Variants in FAM120C observed in about 807,000 individuals in gnomAD.
FAM120C encodes constitutive coactivator of PPAR-gamma-like protein 2.
FAM120C carries 14 observed loss-of-function variants against 71.2 expected under a neutral mutation model. That is an observed-to-expected ratio of 0.20 (90% CI 0.13 to 0.31). The LOEUF (loss-of-function observed/expected upper bound fraction) is 0.31. Ranked by LOEUF, FAM120C falls within the 10% of genes least tolerant of loss-of-function variation. The pLI, the probability that FAM120C is intolerant of heterozygous loss-of-function variation, is 1.00. For synonymous variants in FAM120C, 354 were observed against 353.2 expected (o/e 1.00, Z -0.03); for missense variants, 500 against 879.0 (o/e 0.57, Z 5.45).
intron 4 of FAM120C, among the ~76,000 whole-genome samples, chrX:54,138,725 T>G (rs2067107944): frequency 1.8e-5 from 2 of 110,273 alleles, no homozygotes; most frequent in African/African-American, 6.6e-5. Context: ...CTTGGGAGGC[T>G]GAGGCAAAAG....
intron 1 of FAM120C, among the ~76,000 whole-genome samples, chrX:54,164,462 T>A (rs1434675783): frequency 8.9e-6 from 1 of 112,029 alleles, no homozygotes; most frequent in East Asian, 2.8e-4. Flanking sequence ...TTTCTGTCTC[T>A]ATGAATTTGA....
At chrX:54,100,522 A>G (rs186438356) in intron 10 of FAM120C, among the ~76,000 whole-genome samples, 120 of 109,739 alleles carry the variant, frequency 1.1e-3, no homozygotes, top group African/African-American at 3.6e-3. Flanking sequence ...CAAACAAAAA[A>G]ATTAGCTGGC....
chrX:54,181,586 G>A (rs1277738559), intron 1 of FAM120C, among the ~76,000 whole-genome samples: 2 of 110,962 alleles, frequency 1.8e-5, no homozygotes, highest in Admixed American at 9.6e-5. Context: ...ATTCCTTTTT[G>A]CTTCTGCTCA....
chrX:54,093,176 T>C (rs1158489944), intron 10 of FAM120C, among the ~76,000 whole-genome samples: 2 of 111,938 alleles, frequency 1.8e-5, no homozygotes, highest in East Asian at 2.8e-4. Flanking sequence ...TGCATTAATC[T>C]GGTCATGCCA....
chrX:54,080,349 A>C, intron 14 of FAM120C, 60 bp from the exon 15 acceptor site: 1 of 941,167 alleles, frequency 1.1e-6, no homozygotes, highest in Non-Finnish European at 1.5e-6. Flanking sequence ...ACCCCTTTTC[A>C]CTTGGTTAAC....
intron 10 of FAM120C, among the ~76,000 whole-genome samples, chrX:54,093,931 G>A (rs1262552416): frequency 2.7e-5 from 3 of 110,756 alleles, no homozygotes; most frequent in Non-Finnish European, 5.7e-5. Flanking sequence ...AATATATGCA[G>A]CAAACTATAA....
intron 9 of FAM120C, among the ~76,000 whole-genome samples, chrX:54,126,829 T>C (rs1557128032): frequency 8.8e-6 from 1 of 113,460 alleles, no homozygotes; most frequent in African/African-American, 3.2e-5. Context: ...TTTTATATAT[T>C]GCTGAATTCC....
At chrX:54,152,430 G>C (rs1192391160) in intron 3 of FAM120C, among the ~76,000 whole-genome samples, 1 of 111,499 alleles carries the variant, frequency 9.0e-6, no homozygotes, top group African/African-American at 3.3e-5. Context: ...GCTAATTTTT[G>C]TATTTTTAGT....
chrX:54,137,614 T>C (rs2067101332), intron 4 of FAM120C, among the ~76,000 whole-genome samples: 1 of 111,907 alleles, frequency 8.9e-6, no homozygotes, highest in Non-Finnish European at 1.9e-5. Context: ...GCAAAGAGTA[T>C]ATATTGTCTA....
intron 10 of FAM120C, among the ~76,000 whole-genome samples, chrX:54,096,689 A>G (rs1009622063): frequency 8.9e-6 from 1 of 111,943 alleles, no homozygotes; most frequent in Admixed American, 9.6e-5. Context: ...TATAATAAAA[A>G]TTCATATAAT....
At position 54,163,252 on chromosome X, in the gene FAM120C, C is replaced by T. The variant is rs184912507; in HGVS notation, c.700-3636G>A. ...TCACAGCAGGCTTACTCATAATAGC[C>T]CAAAAGTGGAAATAACCCAAATGTC... On this transcript the variant is annotated intron_variant, in intron 1 of 15. Coordinates refer to ENST00000375180, the MANE Select transcript of FAM120C (RefSeq NM_017848.6). Among the ~76,000 whole-genome samples, 95 of 111,634 alleles carry T rather than the reference C, an allele frequency of 8.5e-4. 1 individual carries two copies. The highest frequency in any genetic ancestry group is 1.3e-3 in the Non-Finnish European group (69 of 53,075).
At chrX:54,139,329 T>TTTTTATTTATTTA (rs1557131207) in intron 4 of FAM120C, among the ~76,000 whole-genome samples, 1 of 88,975 alleles carries the variant, frequency 1.1e-5, no homozygotes, top group Non-Finnish European at 2.2e-5. Context: ...TTTTTTTTGC[T>TTTTTATTTATTTA]TTTATTTATT....
intron 10 of FAM120C, among the ~76,000 whole-genome samples, chrX:54,098,966 C>A (rs2066868701): frequency 9.1e-6 from 1 of 109,475 alleles, no homozygotes; most frequent in Non-Finnish European, 1.9e-5. Flanking sequence ...AATCTTTCAC[C>A]CATTTAAAAA....
At chrX:54,171,218 G>A (rs1290284541) in intron 1 of FAM120C, among the ~76,000 whole-genome samples, 1 of 111,536 alleles carries the variant, frequency 9.0e-6, no homozygotes, top group Non-Finnish European at 1.9e-5. Flanking sequence ...AACCTAGCAA[G>A]ACCCTGTCTC....
In FAM120C at chrX:54,085,778, G is replaced by T; in HGVS notation, c.2776C>A (p.Leu926Ile). The T allele has an allele frequency of 8.3e-7, 1 of 1,211,575 alleles. No homozygotes were observed. The highest frequency in any genetic ancestry group is 1.1e-6 in the Non-Finnish European group (1 of 895,481). ...ATGGAGCCCATAGCTCGGGAATAAAGTGAAACAGGGTAGAGAGAGGGCACC... is the reference window on the plus strand; with the variant it reads ...ATGGAGCCCATAGCTCGGGAATAAATTGAAACAGGGTAGAGAGAGGGCACC... Reference protein sequence around the residue: ...PMVPSLYPVSLYSRAMGSMPL... With the variant: ...PMVPSLYPVSIYSRAMGSMPL... The change falls in exon 13 of 16, where the codon CTT (leucine) becomes ATT (isoleucine). Residue 926 changes from leucine (L) to isoleucine (I), a missense_variant. Around this residue, in one of 11 missense-constraint regions of FAM120C, gnomAD observed 34 missense variants for 45.2 expected, o/e 0.75. Coordinates refer to ENST00000375180, the MANE Select transcript of FAM120C (RefSeq NM_017848.6).
chrX:54,159,353 T>G lies in FAM120C; in HGVS notation c.946+17A>C, dbSNP rs1557134098. On this transcript the variant is annotated intron_variant, in intron 2 of 15. Coordinates refer to ENST00000375180, the MANE Select transcript of FAM120C (RefSeq NM_017848.6). ...GGAAACTACCAATCACTGCAGTCTT[T>G]TCTTTGGATGACCTACCTAGCAGTG... is the stretch of plus-strand genomic sequence containing the variant. 2.5e-6 allele frequency: 3 copies of G among 1,210,992 alleles called. No individual in the cohort carries two copies. The highest frequency in any genetic ancestry group is 3.5e-5 in the South Asian group (2 of 56,924).
intron 10 of FAM120C, among the ~76,000 whole-genome samples, chrX:54,092,046 G>A (rs143449487): frequency 9.9e-5 from 11 of 111,090 alleles, no homozygotes; most frequent in Non-Finnish European, 1.3e-4. Flanking sequence ...AGCCCAGAAC[G>A]TTTTAACAGA....
At chrX:54,081,809 TG>T (rs1359034112) in intron 13 of FAM120C, among the ~76,000 whole-genome samples, 7 of 105,507 alleles carry the variant, frequency 6.6e-5, no homozygotes, top group African/African-American at 2.4e-4. Flanking sequence ...AAAAAAGAAT[TG>T]TAAGTACAAG....
rs187433638 is a variant in FAM120C, at chrX:54,068,990, C to T, written c.*4043G>A. ...CACTAGTCATTAGTTACTACCAACA[C>T]GGACAAAAAGAGCATCTATAAAAGT... On this transcript the variant is annotated 3_prime_UTR_variant, in exon 16 of 16. Transcript: ENST00000375180. 144 of 111,782 alleles carry T rather than the reference C, an allele frequency of 1.3e-3. No individual in the cohort carries two copies. Among genetic ancestry groups the T allele is most frequent in the African/African-American group, 4.5e-3 (138 of 30,818 alleles). The allele number at this position is 111,782 out of a possible 1,213,427, so 9.2% of individuals were successfully genotyped here.
Sources: gnomAD v4.1 joint callset for allele counts (sites outside exome capture counted in the v4.1 genomes callset) on GRCh38, gnomAD v4.1.1 for gene constraint, gnomAD v4.1.1 regional missense constraint, MANE v1.5 for transcripts, NCBI Gene and HGNC (gene_info 2026-07-23, HGNC 2026-07-21) for gene names.